Variants in SUGCT observed in about 807,000 individuals in gnomAD.
SUGCT encodes the protein succinyl-CoA:glutarate-CoA transferase, also known as succinyl-CoA:glutarate CoA-transferase.
Under a neutral mutation model 55.0 loss-of-function variants are expected in SUGCT, and 41 were observed. That is an observed-to-expected ratio of 0.74 (90% CI 0.58 to 0.97). The LOEUF (loss-of-function observed/expected upper bound fraction) is 0.97. Among genes scored for constraint, SUGCT ranks in the 50% least tolerant of loss-of-function variants. The pLI is 0.00. For synonymous variants in SUGCT, 187 were observed against 200.4 expected (o/e 0.93, Z 0.56); for missense variants, 568 against 547.8 (o/e 1.04, Z -0.37).
At chr7:40,671,143 C>T (rs921008444) in intron 12 of SUGCT, among the ~76,000 whole-genome samples, 1 of 152,080 alleles carries the variant, frequency 6.6e-6, no homozygotes, top group Non-Finnish European at 1.5e-5. Flanking sequence ...TGTGTGAAAC[C>T]CGTATATCAA....
In SUGCT at chr7:40,721,584, G is replaced by T. The variant is rs118015792; in HGVS notation, c.1090-27850G>T. Among the ~76,000 whole-genome samples the T allele has an allele frequency of 3.9e-5, 6 of 152,324 alleles. No individual in the cohort carries two copies. In the East Asian group the frequency reaches 1.2e-3, roughly 29 times the overall value. ...CACTACCATCTGTCACCAAGCTACA[G>T]CCAACTGGCAGCTGGTTGGTGGCCA... On this transcript the variant is annotated intron_variant, in intron 12 of 13. Transcript: ENST00000335693.
At chr7:40,823,687 C>T (rs1792149264) in intron 13 of SUGCT, among the ~76,000 whole-genome samples, 1 of 151,986 alleles carries the variant, frequency 6.6e-6, no homozygotes. Context: ...CTTTCCTTTC[C>T]TCTTCCTTCT....
chr7:40,655,647 T>G (rs1176437807), intron 12 of SUGCT, among the ~76,000 whole-genome samples: 1 of 152,178 alleles, frequency 6.6e-6, no homozygotes, highest in African/African-American at 2.4e-5. Flanking sequence ...AGGGTCAAGA[T>G]GATCACAATA....
chr7:40,688,393 C>T (rs1784554869), intron 12 of SUGCT, among the ~76,000 whole-genome samples: 1 of 152,104 alleles, frequency 6.6e-6, no homozygotes, highest in Non-Finnish European at 1.5e-5. Context: ...GTCTTGTACC[C>T]AGTCACTGGA....
At chr7:40,937,120 A>G in the SUGCT span, among the ~76,000 whole-genome samples, 1 of 152,104 alleles carries the variant, frequency 6.6e-6, no homozygotes, top group African/African-American at 2.4e-5. Context: ...TTATAGTGCT[A>G]TTCAAGTCAA....
rs113933610 is a variant in SUGCT at position 40,797,734 on chromosome 7, G to C, written c.1153+48237G>C. Among the ~76,000 whole-genome samples the C allele has an allele frequency of 5.7e-3, 862 of 152,322 alleles. 7 individuals carry two copies. The highest frequency in any genetic ancestry group is 0.02 in the African/African-American group (813 of 41,570). On this transcript the variant is annotated intron_variant, in intron 13 of 13. Coordinates refer to ENST00000335693, the MANE Select transcript of SUGCT (RefSeq NM_001193313.2). The stretch of plus-strand genomic sequence containing the variant: ...AGCATGAACCCCCCCCAAATAAATG[G>C]TGGGCTGCTTTGCTTAGAAGAGCTG...
chr7:40,236,126 C>T (rs1351611331), intron 6 of SUGCT, among the ~76,000 whole-genome samples: 2 of 152,008 alleles, frequency 1.3e-5, no homozygotes, highest in Non-Finnish European at 2.9e-5. Context: ...GGTGCAATCT[C>T]GGCTCACTGT....
intron 9 of SUGCT, among the ~76,000 whole-genome samples, chr7:40,362,375 C>T (rs1221833510): frequency 6.6e-6 from 1 of 151,848 alleles, no homozygotes; most frequent in Non-Finnish European, 1.5e-5. Flanking sequence ...GCCAAGATGG[C>T]GTCACTGCAC....
chr7:40,454,872 T>C (rs1789392741), intron 10 of SUGCT, among the ~76,000 whole-genome samples: 1 of 152,136 alleles, frequency 6.6e-6, no homozygotes, highest in Non-Finnish European at 1.5e-5. Context: ...GAATTTTTCA[T>C]TTACAGAAGG....
intron 5 of SUGCT, among the ~76,000 whole-genome samples, chr7:40,194,103 GA>G (rs982615553): frequency 1.3e-5 from 2 of 151,696 alleles, no homozygotes; most frequent in African/African-American, 4.8e-5. Context: ...GTAGCCTGAA[GA>G]AAAAAAACTC....
chr7:40,688,296 C>G (rs182616977), intron 12 of SUGCT, among the ~76,000 whole-genome samples: 1 of 152,112 alleles, frequency 6.6e-6, no homozygotes, highest in Admixed American at 6.6e-5. Flanking sequence ...AAAAGGGTGT[C>G]TCTGTTACCA....
chr7:40,854,419 C>CCTTCCTTTCTTTCTTT (rs1794036747), intron 13 of SUGCT, among the ~76,000 whole-genome samples: 3 of 88,804 alleles, frequency 3.4e-5, no homozygotes, highest in Non-Finnish European at 6.6e-5. Context: ...TTCTTTCTTT[C>CCTTCCTTTCTTTCTTT]CTTTCTTTCT....
chr7:40,668,098 G>C (rs1205439414), intron 12 of SUGCT, among the ~76,000 whole-genome samples: 1 of 152,106 alleles, frequency 6.6e-6, no homozygotes, highest in Non-Finnish European at 1.5e-5. Context: ...TTTCATACTT[G>C]AGTTAATTTG....
chr7:40,892,709 A>T, the SUGCT span, among the ~76,000 whole-genome samples: 3 of 151,780 alleles, frequency 2.0e-5, no homozygotes, highest in Admixed American at 1.3e-4. Flanking sequence ...AATTAAAAAA[A>T]TTTTCTTTTG....
the SUGCT span, among the ~76,000 whole-genome samples, chr7:40,949,611 C>T: frequency 6.6e-6 from 1 of 152,080 alleles, no homozygotes; most frequent in Non-Finnish European, 1.5e-5. Flanking sequence ...GTCTTTAATC[C>T]ATCTTGAATT....
intron 13 of SUGCT, among the ~76,000 whole-genome samples, chr7:40,750,838 T>G (rs1787977577): frequency 6.6e-6 from 1 of 152,104 alleles, no homozygotes; most frequent in Admixed American, 6.5e-5. Context: ...AAAAAAATGT[T>G]GACAAAAGCT....
the SUGCT span, among the ~76,000 whole-genome samples, chr7:40,949,816 C>A: frequency 6.6e-6 from 1 of 152,098 alleles, no homozygotes; most frequent in Non-Finnish European, 1.5e-5. Context: ...TGGTCTATAT[C>A]TCTGTTTTGG....
intron 9 of SUGCT, among the ~76,000 whole-genome samples, chr7:40,380,124 G>C (rs967627805): frequency 1.3e-5 from 2 of 152,154 alleles, no homozygotes; most frequent in African/African-American, 4.8e-5. Flanking sequence ...TGACAATTCT[G>C]TGCTAATGGG....
At chr7:40,981,302 A>C in the SUGCT span, among the ~76,000 whole-genome samples, 3 of 152,102 alleles carry the variant, frequency 2.0e-5, no homozygotes, top group African/African-American at 7.2e-5. Context: ...TCATGATTCC[A>C]TCAGGTAAAA....
Sources: allele counts gnomAD v4.1 joint callset (sites outside exome capture counted in the v4.1 genomes callset), GRCh38; gene constraint gnomAD v4.1.1; transcripts MANE v1.5; gene names NCBI Gene and HGNC (gene_info 2026-07-23, HGNC 2026-07-21).